TRIM36: variants seen among roughly 807,000 people sequenced by gnomAD.
TRIM36 encodes the protein tripartite motif containing 36, also known as E3 ubiquitin-protein ligase TRIM36.
A neutral mutation model predicts 72.4 loss-of-function variants in TRIM36; 42 were observed. That is an observed-to-expected ratio of 0.58 (90% CI 0.45 to 0.75). The LOEUF is 0.75. Ranked by LOEUF, TRIM36 falls within the 30% of genes least tolerant of loss-of-function variation. The pLI is 0.00. For synonymous variants in TRIM36, 315 were observed against 282.8 expected, an observed-to-expected ratio of 1.11 and a Z score of -1.14; for missense variants, 913 against 857.1, an observed-to-expected ratio of 1.07 and a Z score of -0.81.
chr5:115,171,301 G>A, upstream of TRIM36: 1 of 1,570,718 alleles, frequency 6.4e-7, no homozygotes, highest in Non-Finnish European at 8.7e-7. Flanking sequence ...ATTTACAGAT[G>A]AGGTGAACAG....
intron 1 of TRIM36, chr5:115,177,645 G>A: frequency 6.3e-7 from 1 of 1,577,262 alleles, no homozygotes; most frequent in Non-Finnish European, 8.6e-7. Context: ...CAGGATTTGA[G>A]CCTGAGGAGA....
chr5:115,145,997 A>G (rs1052781632), intron 3 of TRIM36, among the ~76,000 whole-genome samples: 7 of 152,208 alleles, frequency 4.6e-5, no homozygotes, highest in Non-Finnish European at 8.8e-5. Context: ...GAAAAATGAA[A>G]TGTTTCTCAG....
At chr5:115,147,426 A>G in intron 2 of TRIM36, 32 bp from the exon 3 acceptor site, 1 of 1,584,468 alleles carries the variant, frequency 6.3e-7, no homozygotes, top group Non-Finnish European at 8.6e-7. Context: ...GTTTAGTTAT[A>G]GCAGTAGGAA....
chr5:115,166,041 C>T (rs1754758570), intron 1 of TRIM36, among the ~76,000 whole-genome samples: 1 of 152,160 alleles, frequency 6.6e-6, no homozygotes, highest in Admixed American at 6.5e-5. Context: ...CTGAGGGTGA[C>T]TCAACGTGGT....
intron 2 of TRIM36, among the ~76,000 whole-genome samples, chr5:115,158,106 A>T (rs1002403482): frequency 6.7e-6 from 1 of 149,846 alleles, no homozygotes; most frequent in African/African-American, 2.5e-5. Flanking sequence ...ACCCCAATAA[A>T]CTATGGAAAT....
chr5:115,152,587 A>G (rs186389222), intron 2 of TRIM36, among the ~76,000 whole-genome samples: 1 of 152,216 alleles, frequency 6.6e-6, no homozygotes, highest in East Asian at 1.9e-4. Context: ...ACCAGTTAAG[A>G]CAAAGGAAAG....
chr5:115,165,119 G>A (rs1754691035), intron 1 of TRIM36, among the ~76,000 whole-genome samples: 1 of 152,208 alleles, frequency 6.6e-6, no homozygotes, highest in African/African-American at 2.4e-5. Context: ...TGGCTTTGCA[G>A]GGTACAGCCC....
intron 1 of TRIM36, among the ~76,000 whole-genome samples, chr5:115,168,381 C>A (rs896399208): frequency 1.3e-5 from 2 of 152,196 alleles, no homozygotes; most frequent in East Asian, 3.8e-4. Flanking sequence ...ATCTATGAAT[C>A]CTATAGTCAG....
chr5:115,171,551 A>C (rs1306829138), upstream of TRIM36, among the ~76,000 whole-genome samples: 1 of 152,198 alleles, frequency 6.6e-6, no homozygotes, highest in Non-Finnish European at 1.5e-5. Context: ...CTTTGAGCTA[A>C]ATAATTCCCC....
rs748502673 is a variant in TRIM36, at chr5:115,159,181, CAAAGA to C, written c.262+4332_262+4336del. 1.4e-4 allele frequency among the ~76,000 whole-genome samples: 22 copies of C among 152,184 alleles called. No homozygotes were observed. The Middle Eastern group carries it at 0.01, about 71-fold the overall frequency. On this transcript the variant is annotated intron_variant, in intron 2 of 9. Transcript: ENST00000513154. ...GATGCCAAGTACTTTAAAACATCAA[CAAAGA>C]AAAGACTCTATATGTATAAAACGAG...
At chr5:115,166,587 A>G (rs1309031382) in intron 1 of TRIM36, among the ~76,000 whole-genome samples, 1 of 152,184 alleles carries the variant, frequency 6.6e-6, no homozygotes, top group African/African-American at 2.4e-5. Context: ...TTCTTCCTGG[A>G]CACAGTACAG....
At chr5:115,127,139 C>A (rs574932539) in intron 9 of TRIM36, among the ~76,000 whole-genome samples, 2 of 152,136 alleles carry the variant, frequency 1.3e-5, no homozygotes, top group Non-Finnish European at 2.9e-5. Flanking sequence ...AGTGAGGGAG[C>A]GGGCAGTGAT....
chr5:115,177,795 A>G (rs768653079), intron 1 of TRIM36: 1 of 1,614,188 alleles, frequency 6.2e-7, no homozygotes. Context: ...CAGAGATTTC[A>G]AAGGGACAGC....
intron 2 of TRIM36, among the ~76,000 whole-genome samples, chr5:115,150,658 C>A (rs1002395237): frequency 1.1e-4 from 16 of 152,282 alleles, no homozygotes; most frequent in African/African-American, 3.6e-4. Flanking sequence ...CCCACAGGCC[C>A]CCTGAAGGAA....
chr5:115,133,788 C>A, intron 8 of TRIM36, 72 bp downstream of exon 8: 1 of 1,453,122 alleles, frequency 6.9e-7, no homozygotes, highest in Non-Finnish European at 9.2e-7. Flanking sequence ...CATGGAGATA[C>A]TGACTAGTTT....
intron 9 of TRIM36, among the ~76,000 whole-genome samples, chr5:115,129,654 G>T (rs1232022321): frequency 6.6e-6 from 1 of 152,102 alleles, no homozygotes; most frequent in South Asian, 2.1e-4. Flanking sequence ...TAATGCAAGA[G>T]AAAAAAGCAT....
At chr5:115,128,854 C>T (rs185499418) in intron 9 of TRIM36, among the ~76,000 whole-genome samples, 32 of 150,546 alleles carry the variant, frequency 2.1e-4, no homozygotes, top group Middle Eastern at 6.9e-3. Context: ...TTTAGTGCAG[C>T]CTAAGTGTAT....
At position 115,131,128 on chromosome 5, in the gene TRIM36, A is replaced by AG. The variant is rs570151292; in HGVS notation, c.1499-240_1499-239insC. Among the ~76,000 whole-genome samples, 492 of 152,316 alleles carry AG rather than the reference A, an allele frequency of 3.2e-3. 2 individuals are homozygous for AG. Among genetic ancestry groups the AG allele is most frequent in the African/African-American group, 0.011 (471 of 41,570 alleles). ...AAGCAGATGTAAATATTTTAAATATATGTGAAAATTTATAAAAACAGCTCT... is the reference window on the plus strand; with the variant it reads ...AAGCAGATGTAAATATTTTAAATATAGTGTGAAAATTTATAAAAACAGCTCT... On this transcript the variant is annotated intron_variant, in intron 8 of 9. Coordinates refer to ENST00000513154, the MANE Select transcript of TRIM36 (RefSeq NM_001300759.2).
intron 8 of TRIM36, among the ~76,000 whole-genome samples, chr5:115,133,316 G>A (rs1412537763): frequency 6.6e-6 from 1 of 152,138 alleles, no homozygotes; most frequent in Non-Finnish European, 1.5e-5. Flanking sequence ...TGGGAAGGGA[G>A]GGGGCGATGA....
Sources: gnomAD v4.1 joint callset for allele counts (sites outside exome capture counted in the v4.1 genomes callset) on GRCh38, gnomAD v4.1.1 for gene constraint, MANE v1.5 for transcripts, NCBI Gene and HGNC (gene_info 2026-07-23, HGNC 2026-07-21) for gene names.